DENND1A: variants seen among roughly 807,000 people sequenced by gnomAD.
DENND1A encodes DENN domain-containing protein 1A.
In DENND1A, 51 loss-of-function variants were observed where a neutral mutation model predicts 113.7. The observed-to-expected ratio is 0.45, with a 90% CI of 0.36 to 0.57. DENND1A has a LOEUF of 0.57. Among genes scored for constraint, DENND1A ranks in the 20% least tolerant of loss-of-function variants. The pLI is 0.00. For missense variants in DENND1A, 1,258 were observed against 1,395.9 expected, an observed-to-expected ratio of 0.90 and a Z score of 1.57; for synonymous variants, 565 against 570.8, an observed-to-expected ratio of 0.99 and a Z score of 0.14.
chr9:123,727,541 T>A (rs1033407062), intron 5 of DENND1A, among the ~76,000 whole-genome samples: 3 of 152,168 alleles, frequency 2.0e-5, no homozygotes, highest in African/African-American at 7.2e-5. Flanking sequence ...GTGCAAGGGC[T>A]GTGAAATCAT....
At chr9:123,598,125 G>A (rs2059778696) in intron 11 of DENND1A, among the ~76,000 whole-genome samples, 1 of 152,132 alleles carries the variant, frequency 6.6e-6, no homozygotes, top group Admixed American at 6.5e-5. Context: ...CCCCTCCTGG[G>A]CATCTTCCCT....
At chr9:123,496,430 G>A (rs76012908) in intron 13 of DENND1A, among the ~76,000 whole-genome samples, 2,277 of 152,230 alleles carry the variant, frequency 0.015, 29 homozygotes, top group Non-Finnish European at 0.02. Flanking sequence ...CATGGTAAGG[G>A]TTTTTATTTT....
chr9:123,734,730 G>A (rs1309115160), intron 5 of DENND1A, among the ~76,000 whole-genome samples: 1 of 152,182 alleles, frequency 6.6e-6, no homozygotes, highest in Non-Finnish European at 1.5e-5. Context: ...GAGAATGCAC[G>A]TGAATGTTCA....
chr9:123,721,854 C>T (rs1269172264), intron 5 of DENND1A, among the ~76,000 whole-genome samples: 2 of 152,152 alleles, frequency 1.3e-5, no homozygotes, highest in African/African-American at 4.8e-5. Flanking sequence ...ATGTCTTTAT[C>T]AGCAGTGTGA....
At chr9:123,563,917 GC>G (rs905588703) in intron 12 of DENND1A, among the ~76,000 whole-genome samples, 4 of 152,226 alleles carry the variant, frequency 2.6e-5, no homozygotes, top group Admixed American at 2.0e-4. Flanking sequence ...AAAAATACAA[GC>G]CTCCAACTTT....
At chr9:123,557,083 C>T (rs2136028603) in intron 13 of DENND1A, among the ~76,000 whole-genome samples, 1 of 152,344 alleles carries the variant, frequency 6.6e-6, no homozygotes, top group East Asian at 1.9e-4. Context: ...GGAGGCTCTG[C>T]TTTCTCAAGC....
chr9:123,900,544 G>C lies in DENND1A; in HGVS notation c.18-21523C>G, dbSNP rs552975985. 9.2e-5 allele frequency among the ~76,000 whole-genome samples: 14 copies of C among 152,156 alleles called. No individual in the cohort carries two copies. In the South Asian group the frequency reaches 2.7e-3, roughly 29 times the overall value. ...TGAGCTGAAACCTAAAGAATGAGCA[G>C]AAGTTAAACAAGGGAATCTACACGT... On this transcript the variant is annotated intron_variant, in intron 1 of 23. Transcript: ENST00000394215.
intron 2 of DENND1A, among the ~76,000 whole-genome samples, chr9:123,818,749 C>T (rs1032878720): frequency 1.3e-5 from 2 of 152,166 alleles, no homozygotes; most frequent in South Asian, 4.1e-4. Context: ...CCATTTGTGG[C>T]ATCATGTCAG....
At chr9:123,470,648 C>T (rs1425470301) in intron 13 of DENND1A, among the ~76,000 whole-genome samples, 1 of 152,096 alleles carries the variant, frequency 6.6e-6, no homozygotes, top group African/African-American at 2.4e-5. Context: ...TAAAAAAGGA[C>T]ATGGTGATAA....
intron 12 of DENND1A, among the ~76,000 whole-genome samples, chr9:123,561,304 G>A (rs2057740891): frequency 6.6e-6 from 1 of 152,172 alleles, no homozygotes; most frequent in Non-Finnish European, 1.5e-5. Flanking sequence ...GATTGTAACT[G>A]AGCAAATACG....
intron 4 of DENND1A, among the ~76,000 whole-genome samples, chr9:123,766,034 C>T (rs1055518861): frequency 4.6e-5 from 7 of 152,190 alleles, no homozygotes; most frequent in Admixed American, 3.9e-4. Flanking sequence ...CTTGTTTCCA[C>T]ACATTTTCAA....
chr9:123,820,841 T>C (rs1260618824), intron 2 of DENND1A, among the ~76,000 whole-genome samples: 1 of 152,240 alleles, frequency 6.6e-6, no homozygotes, highest in Non-Finnish European at 1.5e-5. Flanking sequence ...CAAAAAATCA[T>C]TGGAGCAATA....
intron 5 of DENND1A, among the ~76,000 whole-genome samples, chr9:123,740,323 T>C (rs2068901218): frequency 6.6e-6 from 1 of 152,356 alleles, no homozygotes; most frequent in South Asian, 2.1e-4. Flanking sequence ...ATAACCTGTC[T>C]AAATATATTT....
At chr9:123,601,002 T>C (rs1299910218) in intron 11 of DENND1A, among the ~76,000 whole-genome samples, 1 of 152,212 alleles carries the variant, frequency 6.6e-6, no homozygotes, top group Admixed American at 6.5e-5. Flanking sequence ...CAGGCTTCTC[T>C]TGGTAACAAT....
At chr9:123,499,672 TCAC>T (rs2052291755) in intron 13 of DENND1A, among the ~76,000 whole-genome samples, 1 of 152,208 alleles carries the variant, frequency 6.6e-6, no homozygotes. Flanking sequence ...CCCACACACT[TCAC>T]CACCATCTTC....
intron 1 of DENND1A, among the ~76,000 whole-genome samples, chr9:123,929,605 T>C (rs1857665466): frequency 6.6e-6 from 1 of 151,932 alleles, no homozygotes; most frequent in African/African-American, 2.4e-5. Context: ...TTTCAGGGGC[T>C]CTCCGTAAAC....
rs547349241 is a variant in DENND1A at position 123,857,991 on chromosome 9, G to A, written c.88+20960C>T. 1.3e-3 allele frequency among the ~76,000 whole-genome samples: 202 copies of A among 151,396 alleles called. 2 individuals carry two copies. The highest frequency in any genetic ancestry group is 3.8e-3 in the South Asian group (18 of 4,792). On this transcript the variant is annotated intron_variant, in intron 2 of 23. Coordinates refer to ENST00000394215, the MANE Select transcript of DENND1A (RefSeq NM_001352964.2). ...GGAGAATGGCGTGAACCCGGGAGGC[G>A]GAGCTTGCAGTGAGCAGAGATCTTG...
intron 5 of DENND1A, among the ~76,000 whole-genome samples, chr9:123,692,884 T>C (rs1237151918): frequency 6.6e-6 from 1 of 152,186 alleles, no homozygotes; most frequent in East Asian, 1.9e-4. Context: ...TTATTTCTAT[T>C]CCTCACCTCA....
chr9:123,865,758 A>T (rs534093077), intron 2 of DENND1A, among the ~76,000 whole-genome samples: 18 of 152,286 alleles, frequency 1.2e-4, no homozygotes, highest in Middle Eastern at 3.4e-3. Flanking sequence ...CAGCATAGGG[A>T]ACTAAAACAA....
Sources: gnomAD v4.1 joint callset for allele counts (sites outside exome capture counted in the v4.1 genomes callset) on GRCh38, gnomAD v4.1.1 for gene constraint, MANE v1.5 for transcripts, NCBI Gene and HGNC (gene_info 2026-07-23, HGNC 2026-07-21) for gene names.